Variants in NPAS3 observed in about 807,000 individuals in gnomAD.
The protein encoded by NPAS3 is neuronal PAS domain-containing protein 3.
NPAS3 carries 14 observed loss-of-function variants against 73.1 expected under a neutral mutation model. The ratio of observed to expected loss-of-function variants is 0.19; its 90% CI spans 0.13 to 0.30. NPAS3 has a LOEUF of 0.30. Ranked by LOEUF, NPAS3 falls within the 10% of genes least tolerant of loss-of-function variation. The pLI is 1.00. For synonymous variants in NPAS3, 620 were observed against 541.5 expected (o/e 1.14, Z -2.01); for missense variants, 1,096 against 1,250.0 (o/e 0.88, Z 1.86).
intron 3 of NPAS3, among the ~76,000 whole-genome samples, chr14:33,290,696 G>T (rs2042065040): frequency 6.6e-6 from 1 of 152,190 alleles, no homozygotes; most frequent in African/African-American, 2.4e-5. Flanking sequence ...AAAATTGCAT[G>T]TTGAATTTTT....
chr14:32,982,530 T>G (rs1055667333), intron 1 of NPAS3, among the ~76,000 whole-genome samples: 2 of 152,072 alleles, frequency 1.3e-5, no homozygotes, highest in Non-Finnish European at 2.9e-5. Flanking sequence ...GGCAACATAG[T>G]GAGATCTCAT....
intron 1 of NPAS3, among the ~76,000 whole-genome samples, chr14:32,962,572 T>TTTC (rs1429329327): frequency 2.2e-5 from 3 of 138,248 alleles, no homozygotes; most frequent in Non-Finnish European, 4.7e-5. Flanking sequence ...TTCTTTTCTT[T>TTTC]TTTTTTTTTT....
At chr14:33,198,095 C>T (rs757978637) in intron 2 of NPAS3, among the ~76,000 whole-genome samples, 7 of 151,836 alleles carry the variant, frequency 4.6e-5, no homozygotes, top group Non-Finnish European at 8.8e-5. Context: ...TCATTCCTCC[C>T]AGTGGGGGGT....
chr14:33,250,118 A>C (rs1234009901), intron 3 of NPAS3, among the ~76,000 whole-genome samples: 1 of 152,116 alleles, frequency 6.6e-6, no homozygotes, highest in Non-Finnish European at 1.5e-5. Flanking sequence ...GTAGGTAGAT[A>C]ATGAGAGTGA....
intron 1 of NPAS3, among the ~76,000 whole-genome samples, chr14:33,015,520 C>T (rs983409014): frequency 6.6e-6 from 1 of 152,096 alleles, no homozygotes; most frequent in African/African-American, 2.4e-5. Context: ...TAAATTACAG[C>T]ATAAGGAGTG....
upstream of NPAS3, among the ~76,000 whole-genome samples, chr14:32,938,823 G>GGCCGCCTCCCCCCGCCGCCGCC (rs1473088489): frequency 6.8e-6 from 1 of 146,348 alleles, no homozygotes; most frequent in Non-Finnish European, 1.5e-5. Context: ...GGGACCGCGC[G>GGCCGCCTCCCCCCGCCGCCGCC]GCCGCCTCCC....
At chr14:33,682,118 G>A (rs982088879) in intron 6 of NPAS3, among the ~76,000 whole-genome samples, 3 of 151,080 alleles carry the variant, frequency 2.0e-5, no homozygotes, top group East Asian at 1.9e-4. Flanking sequence ...TATGATGAAT[G>A]TTTATCAAAC....
At chr14:33,139,680 A>C (rs1175227692) in intron 2 of NPAS3, among the ~76,000 whole-genome samples, 1 of 152,236 alleles carries the variant, frequency 6.6e-6, no homozygotes, top group Non-Finnish European at 1.5e-5. Flanking sequence ...GGTAGCCATT[A>C]GCCCTATGTG....
chr14:33,663,219 G>A (rs1051142632), intron 5 of NPAS3, among the ~76,000 whole-genome samples: 12 of 152,086 alleles, frequency 7.9e-5, no homozygotes, highest in Non-Finnish European at 1.6e-4. Flanking sequence ...GTCATAAATA[G>A]CTCTTATTAT....
chr14:33,356,626 C>G (rs1453409320), intron 3 of NPAS3, among the ~76,000 whole-genome samples: 2 of 152,230 alleles, frequency 1.3e-5, no homozygotes, highest in Non-Finnish European at 2.9e-5. Flanking sequence ...TTCAGTCCCA[C>G]TGATGACACA....
intron 1 of NPAS3, among the ~76,000 whole-genome samples, chr14:33,018,147 G>A (rs1021855696): frequency 6.6e-6 from 1 of 152,174 alleles, no homozygotes; most frequent in Non-Finnish European, 1.5e-5. Flanking sequence ...TGTGGAGGTG[G>A]ACACAAAGGC....
intron 3 of NPAS3, among the ~76,000 whole-genome samples, chr14:33,315,537 TGTGTGTG>T (rs2043176343): frequency 1.3e-5 from 2 of 151,542 alleles, no homozygotes; most frequent in Non-Finnish European, 2.9e-5. Flanking sequence ...TGTGTGTATG[TGTGTGTG>T]GTTGGGAGGG....
At chr14:33,492,255 C>A (rs575890704) in intron 4 of NPAS3, among the ~76,000 whole-genome samples, 1 of 152,162 alleles carries the variant, frequency 6.6e-6, no homozygotes, top group South Asian at 2.1e-4. Flanking sequence ...TGTGGTAATA[C>A]CTCTGAAAGA....
At chr14:32,938,563 C>G (rs1351686319), upstream of NPAS3, among the ~76,000 whole-genome samples, 1 of 137,054 alleles carries the variant, frequency 7.3e-6, no homozygotes, top group Non-Finnish European at 1.6e-5. Flanking sequence ...AGAGAGCGCT[C>G]TGGAGCAAAG....
chr14:33,431,343 C>A (rs147949689), intron 4 of NPAS3, among the ~76,000 whole-genome samples: 29 of 152,206 alleles, frequency 1.9e-4, no homozygotes, highest in African/African-American at 6.7e-4. Flanking sequence ...GGCAAAAGGT[C>A]TACATGTATT....
chr14:33,010,192 A>T (rs934563843), intron 1 of NPAS3, among the ~76,000 whole-genome samples: 6 of 152,228 alleles, frequency 3.9e-5, no homozygotes, highest in Non-Finnish European at 8.8e-5. Context: ...TAAACTCTGG[A>T]TGAAGGAGAT....
chr14:33,265,171 C>T (rs2139981415), intron 3 of NPAS3, among the ~76,000 whole-genome samples: 1 of 152,304 alleles, frequency 6.6e-6, no homozygotes, highest in East Asian at 1.9e-4. Context: ...AGCCTAGCCC[C>T]TTGGCTAGTA....
intron 5 of NPAS3, among the ~76,000 whole-genome samples, chr14:33,648,360 T>C (rs2058894498): frequency 6.6e-6 from 1 of 152,226 alleles, no homozygotes; most frequent in Non-Finnish European, 1.5e-5. Flanking sequence ...CACAAAAGTA[T>C]AGTCTTCCAA....
In NPAS3 at chr14:33,526,238, T is replaced by C. The variant is rs188965934; in HGVS notation, c.469-33883T>C. ...TTCAGCTGGACTTGAAAGTGCTTGA[T>C]GGTCTTGGGAAGGAATTACCAGTAA... is the stretch of plus-strand genomic sequence containing the variant. On this transcript the variant is annotated intron_variant, in intron 4 of 11. Coordinates refer to ENST00000356141, the Ensembl canonical transcript of NPAS3. Among the ~76,000 whole-genome samples the C allele has an allele frequency of 2.6e-3, 389 of 152,268 alleles. 1 individual carries two copies. The highest frequency in any genetic ancestry group is 0.01 in the Middle Eastern group (3 of 294).
Sources: allele counts gnomAD v4.1 joint callset (sites outside exome capture counted in the v4.1 genomes callset), GRCh38; gene constraint gnomAD v4.1.1; transcripts MANE v1.5; gene names NCBI Gene and HGNC (gene_info 2026-07-23, HGNC 2026-07-21).